The following RARB variants were observed in gnomAD, a reference collection of about 807,000 sequenced individuals.
RARB encodes the protein HBV-activated protein.
A neutral mutation model predicts 51.9 loss-of-function variants in RARB; 17 were observed. The ratio of observed to expected loss-of-function variants is 0.33; its 90% CI spans 0.22 to 0.49. The LOEUF is 0.49. Ranked by LOEUF, RARB falls within the 20% of genes least tolerant of loss-of-function variation. The pLI, the probability that RARB is intolerant of heterozygous loss-of-function variation, is 0.99. For missense variants in RARB, 369 were observed against 550.8 expected (o/e 0.67, Z 3.30); for synonymous variants, 215 against 195.4 (o/e 1.10, Z -0.84).
chr3:25,406,513 G>C (rs1394175459), intron 5 of RARB, among the ~76,000 whole-genome samples: 6 of 152,292 alleles, frequency 3.9e-5, no homozygotes, highest in Admixed American at 1.3e-4. Context: ...TCACATGATT[G>C]AACCTCTGTG....
intron 5 of RARB, among the ~76,000 whole-genome samples, chr3:25,335,690 C>T (rs1022456765): frequency 6.6e-6 from 1 of 152,160 alleles, no homozygotes; most frequent in Non-Finnish European, 1.5e-5. Context: ...CCAAATAACC[C>T]AACCAAATTG....
rs139282145 is a variant in RARB at position 25,049,896 on chromosome 3, C to T, written c.-379-10229C>T. ...TGAATAAAAAGCAAAATATAGTTCT[C>T]TCATGGACCTCAAAGTCTAGTAAAG... On this transcript the variant is annotated intron_variant, in intron 2 of 11. Transcript: ENST00000383772. Among the ~76,000 whole-genome samples, 219 of 152,216 alleles carry T rather than the reference C, an allele frequency of 1.4e-3. 1 individual carries two copies. The highest frequency in any genetic ancestry group is 4.9e-3 in the African/African-American group (203 of 41,530).
chr3:25,096,186 C>T (rs749707371), intron 3 of RARB, among the ~76,000 whole-genome samples: 10 of 152,198 alleles, frequency 6.6e-5, no homozygotes, highest in Admixed American at 5.9e-4. Flanking sequence ...GTGTCTCCCA[C>T]TGGACTTCAC....
At chr3:25,277,676 C>T (rs1703427357) in intron 5 of RARB, among the ~76,000 whole-genome samples, 1 of 152,150 alleles carries the variant, frequency 6.6e-6, no homozygotes, top group Admixed American at 6.5e-5. Flanking sequence ...TAACAGATGG[C>T]AAATAGAGTT....
At chr3:25,370,381 A>G (rs529004756) in intron 5 of RARB, among the ~76,000 whole-genome samples, 1 of 152,220 alleles carries the variant, frequency 6.6e-6, no homozygotes, top group African/African-American at 2.4e-5. Flanking sequence ...AACTGGTACC[A>G]TAAGGGTAGC....
intron 5 of RARB, among the ~76,000 whole-genome samples, chr3:25,233,199 T>A (rs1702222858): frequency 6.6e-6 from 1 of 152,004 alleles, no homozygotes; most frequent in Admixed American, 6.6e-5. Flanking sequence ...AGCCTCATGA[T>A]CCAATCACCT....
At chr3:25,102,046 T>C (rs1205819637) in intron 3 of RARB, among the ~76,000 whole-genome samples, 1 of 152,196 alleles carries the variant, frequency 6.6e-6, no homozygotes, top group African/African-American at 2.4e-5. Flanking sequence ...TCCAGATTTA[T>C]GAACAAATTT....
intron 4 of RARB, among the ~76,000 whole-genome samples, chr3:25,154,094 G>C (rs761015997): frequency 6.6e-6 from 1 of 152,044 alleles, no homozygotes; most frequent in Non-Finnish European, 1.5e-5. Context: ...ATGATTATGT[G>C]GATTTTTAAG....
chr3:25,467,044 G>C (rs756474752), intron 2 of RARB, among the ~76,000 whole-genome samples: 2 of 152,146 alleles, frequency 1.3e-5, no homozygotes, highest in Non-Finnish European at 2.9e-5. Context: ...ATGTCCACCT[G>C]CCCAGGGCTC....
chr3:24,872,601 G>T (rs1338736436), intron 2 of RARB, among the ~76,000 whole-genome samples: 2 of 152,084 alleles, frequency 1.3e-5, no homozygotes, highest in Admixed American at 1.3e-4. Context: ...CAGCAAGAGA[G>T]GGAGGAGGGG....
chr3:25,550,200 C>A (rs1037071970), intron 3 of RARB, among the ~76,000 whole-genome samples: 2 of 152,190 alleles, frequency 1.3e-5, no homozygotes, highest in Non-Finnish European at 2.9e-5. Flanking sequence ...GCAGTAAAAT[C>A]TGTCTACATT....
At chr3:25,323,575 A>G (rs536160283) in intron 5 of RARB, among the ~76,000 whole-genome samples, 2 of 152,334 alleles carry the variant, frequency 1.3e-5, no homozygotes, top group East Asian at 3.9e-4. Flanking sequence ...ATGGAATGGG[A>G]AAGTAGATGC....
At chr3:24,994,275 T>C (rs1696975227) in intron 2 of RARB, among the ~76,000 whole-genome samples, 1 of 150,076 alleles carries the variant, frequency 6.7e-6, no homozygotes, top group Non-Finnish European at 1.5e-5. Flanking sequence ...GTCATTTTTC[T>C]ATATATTTGT....
intron 2 of RARB, among the ~76,000 whole-genome samples, chr3:25,476,685 TG>T (rs1460115180): frequency 6.6e-6 from 1 of 152,192 alleles, no homozygotes; most frequent in Non-Finnish European, 1.5e-5. Flanking sequence ...GACCCAGTCG[TG>T]GGCCTACAAC....
intron 5 of RARB, 23 bp downstream of exon 5, chr3:25,580,745 A>T (rs1701141935): frequency 6.3e-7 from 1 of 1,584,274 alleles, no homozygotes; most frequent in Admixed American, 1.7e-5. Flanking sequence ...TTGAGCTCTC[A>T]ATGGGTCTGG....
intron 2 of RARB, among the ~76,000 whole-genome samples, chr3:24,883,640 G>A (rs1236020925): frequency 6.6e-6 from 1 of 152,084 alleles, no homozygotes; most frequent in African/African-American, 2.4e-5. Context: ...GTCAGCAGCT[G>A]GGTGTTGTTA....
intron 2 of RARB, among the ~76,000 whole-genome samples, chr3:25,006,598 T>G (rs1431993309): frequency 6.6e-6 from 1 of 152,192 alleles, no homozygotes; most frequent in Non-Finnish European, 1.5e-5. Context: ...CTTGTTTCTA[T>G]TTTTAAAGTG....
intron 2 of RARB, among the ~76,000 whole-genome samples, chr3:24,905,651 C>T (rs1453120276): frequency 1.3e-5 from 2 of 152,184 alleles, no homozygotes; most frequent in Non-Finnish European, 1.5e-5. Context: ...CTTCTTCCCA[C>T]CTGCTTAAAG....
chr3:25,342,669 G>T lies in RARB; in HGVS notation c.179-118524G>T, dbSNP rs541014090. Among the ~76,000 whole-genome samples the T allele has an allele frequency of 3.9e-5, 6 of 152,264 alleles. No individual in the cohort carries two copies. In the East Asian group the frequency reaches 9.6e-4, roughly 24 times the overall value. Reference sequence around the variant, plus strand: ...AAAAGTATAACCCACCTCTATTTAAGCCACTGTAATTAGGTTTTCTCTTAC... The same window carrying T: ...AAAAGTATAACCCACCTCTATTTAATCCACTGTAATTAGGTTTTCTCTTAC... On this transcript the variant is annotated intron_variant, in intron 5 of 11. Transcript: ENST00000383772.
Sources: allele counts gnomAD v4.1 joint callset (sites outside exome capture counted in the v4.1 genomes callset), GRCh38; gene constraint gnomAD v4.1.1; transcripts MANE v1.5; gene names NCBI Gene and HGNC (gene_info 2026-07-23, HGNC 2026-07-21).